PKD1L1: variants seen among roughly 807,000 people sequenced by gnomAD.
The protein encoded by PKD1L1 is polycystin-1-like protein 1.
Under a neutral mutation model 323.4 loss-of-function variants are expected in PKD1L1, and 236 were observed. The observed-to-expected ratio is 0.73, with a 90% CI of 0.66 to 0.81. The LOEUF (loss-of-function observed/expected upper bound fraction) is 0.81, where lower values mean the gene tolerates loss of function less well. PKD1L1 is among the 40% of genes least tolerant of loss of function. The probability of loss-of-function intolerance (pLI) is 0.00; values close to 1 mark genes in which losing one functional copy is unlikely to be tolerated. For synonymous variants in PKD1L1, 1,344 were observed against 1,335.0 expected (o/e 1.01, Z -0.15); for missense variants, 3,320 against 3,508.0 (o/e 0.95, Z 1.35).
intron 12 of PKD1L1, 131 bp from the exon 13 acceptor site, chr7:47,902,642 A>AAGG: frequency 8.8e-7 from 1 of 1,139,664 alleles, no homozygotes; most frequent in South Asian, 1.6e-5. Context: ...GAATAAGAAC[A>AAGG]GAAGAGTCAA....
rs10274334 is a variant in PKD1L1, at chr7:47,885,733, C to T, written c.3158G>A (p.Arg1053His). The T allele has an allele frequency of 2.5e-4, 409 of 1,613,874 alleles. 2 individuals are homozygous for T. In the African/African-American group the frequency reaches 4.6e-3, roughly 18 times the overall value. Residue 1053 changes from arginine (R) to histidine (H), a missense_variant, in exon 18 of 57, where the codon CGC becomes CAC. Coordinates refer to ENST00000289672, the MANE Select transcript of PKD1L1 (RefSeq NM_138295.5). ...GTGGGTGGGCTGACTTCTCTCAGAG[C>T]GGCCAGTCATCAGGGATCCCTTGCT... ...PQSKGSLMTG[R>H]SERSQPTHSP...
chr7:47,893,584 C>G (rs778209959), intron 15 of PKD1L1, among the ~76,000 whole-genome samples: 1 of 152,144 alleles, frequency 6.6e-6, no homozygotes, highest in Non-Finnish European at 1.5e-5. Flanking sequence ...GGAAACCAAG[C>G]CTTCCACACA....
chr7:47,918,818 G>T (rs534091122), intron 7 of PKD1L1, among the ~76,000 whole-genome samples: 16 of 152,128 alleles, frequency 1.1e-4, no homozygotes, highest in African/African-American at 3.6e-4. Flanking sequence ...TCTTCAAACT[G>T]AACCACAATA....
chr7:47,922,223 G>A (rs920627699), intron 7 of PKD1L1, among the ~76,000 whole-genome samples: 18 of 152,184 alleles, frequency 1.2e-4, no homozygotes, highest in African/African-American at 4.1e-4. Context: ...GCTCAATGTT[G>A]CCCAGGCTGG....
chr7:47,825,051 C>G (rs373746732), intron 45 of PKD1L1, among the ~76,000 whole-genome samples: 26 of 152,278 alleles, frequency 1.7e-4, no homozygotes, highest in African/African-American at 6.0e-4. Flanking sequence ...TGCATTTACA[C>G]CAGCACTGTG....
intron 7 of PKD1L1, among the ~76,000 whole-genome samples, chr7:47,928,464 G>T (rs1184101302): frequency 6.6e-6 from 1 of 152,150 alleles, no homozygotes; most frequent in Non-Finnish European, 1.5e-5. Context: ...CAGCTACTTG[G>T]GAGGCTGAGG....
intron 21 of PKD1L1, among the ~76,000 whole-genome samples, chr7:47,880,247 GATATATATATATATATACATATAT>G (rs1367825985): frequency 1.7e-4 from 17 of 98,252 alleles, no homozygotes; most frequent in Non-Finnish European, 2.8e-4. Flanking sequence ...GCATAAATAA[GATATATATATATATATACATATAT>G]ATATATATAT....
intron 16 of PKD1L1, among the ~76,000 whole-genome samples, chr7:47,889,036 A>G (rs1266907898): frequency 6.6e-6 from 1 of 152,126 alleles, no homozygotes; most frequent in Non-Finnish European, 1.5e-5. Flanking sequence ...CACAGGGCTG[A>G]GGAGCCATGG....
At position 47,849,693 on chromosome 7, in the gene PKD1L1, T is replaced by C. The variant is rs186209174; in HGVS notation, c.4961-2622A>G. 4.1e-3 allele frequency among the ~76,000 whole-genome samples: 585 copies of C among 144,138 alleles called. 1 individual carries two copies. Among genetic ancestry groups the C allele is most frequent in the Admixed American group, 6.7e-3 (100 of 14,974 alleles). 94.6% of individuals were successfully genotyped at this position (144,138 alleles called of 152,430 possible). A position where few individuals can be genotyped will look rare whatever the true frequency, so the allele number is the denominator to read the frequency against. On this transcript the variant is annotated intron_variant, in intron 31 of 56. Coordinates refer to ENST00000289672, the MANE Select transcript of PKD1L1 (RefSeq NM_138295.5). ...TTTAAAAGTCAAAAAATAATAGATTTTGGTTGTGTATGTGGTGAAAAGGGA... is the reference window on the plus strand; with the variant it reads ...TTTAAAAGTCAAAAAATAATAGATTCTGGTTGTGTATGTGGTGAAAAGGGA...
At chr7:47,814,446 C>T (rs1784971834) in intron 47 of PKD1L1, among the ~76,000 whole-genome samples, 1 of 152,186 alleles carries the variant, frequency 6.6e-6, no homozygotes, top group South Asian at 2.1e-4. Context: ...GTGGTGTGAC[C>T]TGAGCTCACT....
At chr7:47,872,744 C>T (rs6950308) in intron 24 of PKD1L1, among the ~76,000 whole-genome samples, 55,260 of 151,956 alleles carry the variant, frequency 0.36, 11,458 homozygotes, top group African/African-American at 0.57. Flanking sequence ...AGTGGGAATA[C>T]AAAATGGTGC....
At position 47,893,949 on chromosome 7, in the gene PKD1L1, C is replaced by T. The variant is rs773921911; in HGVS notation, c.2382G>A (p.Arg794=). 2 of 1,613,936 alleles carry T rather than the reference C, an allele frequency of 1.2e-6. No homozygotes were observed. Among genetic ancestry groups the T allele is most frequent in the South Asian group, 1.1e-5 (1 of 91,070 alleles). The change falls in exon 15 of 57, where the codon AGG becomes AGA. Residue 794 remains arginine (R), a synonymous_variant. Transcript: ENST00000289672. ...TGAGGACAATGGGGGATGAGGTGGT[C>T]CTGGAGAAGAATAGGTGTGTGCCCT... ...ISEGTHLFFS[R]TTSSPIVLRG...
rs1249402497 is a variant in PKD1L1 at position 47,800,667 on chromosome 7, G to A, written c.8175C>T (p.Ala2725=). ...CYFGILLIVS[A]TLCFGMLRGF... ...TACTTACCATTCCAAAACACAGTGT[G>A]GCAGAGACTATTAAAAGGATCCCAA... The change falls in exon 54 of 57, where the codon GCC becomes GCT. Residue 2725 remains alanine (A), a synonymous_variant. Transcript: ENST00000289672. 6.2e-7 allele frequency: 1 copy of A among 1,614,018 alleles called. No homozygotes were observed. Among genetic ancestry groups the A allele is most frequent in the Non-Finnish European group, 8.5e-7 (1 of 1,179,982 alleles).
intron 54 of PKD1L1, 98 bp from the exon 55 acceptor site, chr7:47,796,248 T>C: frequency 8.9e-7 from 1 of 1,129,058 alleles, no homozygotes; most frequent in South Asian, 1.7e-5. Context: ...TTATATCTGA[T>C]GATGCTACTT....
intron 46 of PKD1L1, chr7:47,817,889 C>T (rs1470132043): frequency 2.4e-5 from 14 of 579,090 alleles, no homozygotes; most frequent in East Asian, 2.1e-4. Flanking sequence ...ATTTCCATAG[C>T]ATGTATGAGT....
intron 13 of PKD1L1, among the ~76,000 whole-genome samples, chr7:47,899,771 A>G (rs949965255): frequency 6.6e-6 from 1 of 152,092 alleles, no homozygotes; most frequent in African/African-American, 2.4e-5. Context: ...CCTGGCTAAC[A>G]CGGTGAAACC....
At position 47,805,822 on chromosome 7, in the gene PKD1L1, C is replaced by A. The variant is rs931700755; in HGVS notation, c.7827+2425G>T. ...GAGCCAGTTGCTTAACCTTTCAGAG[C>A]CTCGGTCTAGATGGGTGGCATACTA... On this transcript the variant is annotated intron_variant, in intron 52 of 56. Transcript: ENST00000289672. Among the ~76,000 whole-genome samples, 7 of 152,192 alleles carry A rather than the reference C, an allele frequency of 4.6e-5. No homozygotes were observed. In the East Asian group the frequency reaches 1.3e-3, roughly 29 times the overall value.
At chr7:47,775,777 T>C (rs1385414792) in intron 56 of PKD1L1, among the ~76,000 whole-genome samples, 1 of 134,300 alleles carries the variant, frequency 7.4e-6, no homozygotes, top group Admixed American at 7.3e-5. Context: ...AATAAATAAA[T>C]ACTAAAGATC....
chr7:47,899,367 T>C (rs374663362), intron 13 of PKD1L1, among the ~76,000 whole-genome samples: 2 of 152,150 alleles, frequency 1.3e-5, no homozygotes, highest in East Asian at 1.9e-4. Flanking sequence ...CTGATACATA[T>C]ACAAAAAGCA....
Sources: gnomAD v4.1 joint callset for allele counts (sites outside exome capture counted in the v4.1 genomes callset) on GRCh38, gnomAD v4.1.1 for gene constraint, MANE v1.5 for transcripts, NCBI Gene and HGNC (gene_info 2026-07-23, HGNC 2026-07-21) for gene names.